SYNE1: variants seen among roughly 807,000 people sequenced by gnomAD.
SYNE1 encodes the protein nesprin-1.
In SYNE1, 616 loss-of-function variants were observed where a neutral mutation model predicts 1,111.0. The ratio of observed to expected loss-of-function variants is 0.55; its 90% CI spans 0.52 to 0.59. The LOEUF is 0.59. Ranked by LOEUF, SYNE1 falls within the 20% of genes least tolerant of loss-of-function variation. The pLI, the probability that SYNE1 is intolerant of heterozygous loss-of-function variation, is 0.00. For missense variants in SYNE1, 10,006 were observed against 10,417.0 expected (o/e 0.96, Z 1.72); for synonymous variants, 3,855 against 3,825.8 (o/e 1.01, Z -0.28).
chr6:152,248,869 C>G (rs529041193), intron 105 of SYNE1, among the ~76,000 whole-genome samples: 3 of 152,260 alleles, frequency 2.0e-5, no homozygotes, highest in African/African-American at 7.2e-5. Context: ...TGACTTTCTG[C>G]CCTATGTCAT....
chr6:152,199,731 G>A (rs1228614752), intron 127 of SYNE1, among the ~76,000 whole-genome samples: 4 of 152,158 alleles, frequency 2.6e-5, no homozygotes, highest in African/African-American at 7.2e-5. Context: ...GGCAATTAGC[G>A]GTGCTGTCTG....
intron 73 of SYNE1, among the ~76,000 whole-genome samples, chr6:152,345,520 C>A (rs926165281): frequency 1.3e-5 from 2 of 151,910 alleles, no homozygotes; most frequent in African/African-American, 4.8e-5. Context: ...GAACACGGAC[C>A]ATTCTAACCA....
intron 95 of SYNE1, among the ~76,000 whole-genome samples, chr6:152,288,703 G>A (rs758562200): frequency 1.3e-5 from 2 of 152,170 alleles, no homozygotes; most frequent in African/African-American, 2.4e-5. Flanking sequence ...GCACCACCAC[G>A]CCCAGCTAAT....
intron 128 of SYNE1, among the ~76,000 whole-genome samples, chr6:152,186,899 A>G (rs930648213): frequency 6.6e-6 from 1 of 152,182 alleles, no homozygotes; most frequent in Non-Finnish European, 1.5e-5. Context: ...AATTTCCCAC[A>G]ATTTGTACCC....
chr6:152,326,140 A>C, intron 79 of SYNE1, 38 bp from the exon 80 acceptor site: 1 of 1,614,084 alleles, frequency 6.2e-7, no homozygotes, highest in Non-Finnish European at 8.5e-7. Flanking sequence ...AGTAGCACGA[A>C]ATCACGTATT....
intron 84 of SYNE1, among the ~76,000 whole-genome samples, chr6:152,320,747 T>A (rs1369233875): frequency 6.6e-6 from 1 of 152,256 alleles, no homozygotes; most frequent in Non-Finnish European, 1.5e-5. Flanking sequence ...AGGGTTAAAA[T>A]GATGGCTCTT....
chr6:152,393,000 G>A (rs3898782), intron 51 of SYNE1, among the ~76,000 whole-genome samples: 10 of 152,124 alleles, frequency 6.6e-5, no homozygotes, highest in African/African-American at 2.2e-4. Context: ...GTGGCCCCGT[G>A]GAGAACCTGA....
In SYNE1 at chr6:152,331,406, G is replaced by A; in HGVS notation, c.13279C>T (p.Leu4427Phe). Residue 4427 changes from leucine to phenylalanine, a missense_variant, in exon 78 of 146, where the codon CTC (leucine) becomes TTC (phenylalanine). Physicochemically the swap from Leu to Phe is conservative, Grantham distance 22. Coordinates refer to ENST00000367255, the MANE Select transcript of SYNE1 (RefSeq NM_182961.4). Reference protein sequence around the residue: ...LNERQVIQKALSDAQSHVNCL... With the variant: ...LNERQVIQKAFSDAQSHVNCL... ...TTCACGTGGCTTTGTGCATCAGAGA[G>A]AGCCTTCTGGATGACCTGTCGCTCA... 6 of 1,614,186 alleles carry A rather than the reference G, an allele frequency of 3.7e-6. No individual in the cohort carries two copies. The highest frequency in any genetic ancestry group is 2.2e-5 in the East Asian group (1 of 44,884).
intron 51 of SYNE1, among the ~76,000 whole-genome samples, chr6:152,392,369 C>G (rs2097657628): frequency 6.6e-6 from 1 of 152,088 alleles, no homozygotes. Context: ...TTAATTAGAT[C>G]AAGGGGAAAA....
At chr6:152,319,625 G>A (rs1167599615) in intron 84 of SYNE1, among the ~76,000 whole-genome samples, 1 of 152,122 alleles carries the variant, frequency 6.6e-6, no homozygotes, top group African/African-American at 2.4e-5. Flanking sequence ...CTGTTGCTTA[G>A]AATAAAATGC....
intron 127 of SYNE1, among the ~76,000 whole-genome samples, chr6:152,194,544 C>A (rs956768871): frequency 6.6e-6 from 1 of 152,086 alleles, no homozygotes; most frequent in African/African-American, 2.4e-5. Context: ...ATATTGATAT[C>A]TTTCTCTATG....
rs754982975 is a variant in SYNE1 at position 152,373,047 on chromosome 6, G to C, written c.9497C>G (p.Ser3166Cys). Reference protein sequence around the residue: ...NFHSNLHQKESALENLKIQMK... With the variant: ...NFHSNLHQKECALENLKIQMK... ...GTTGGCTATATATACCTCTAGAGCA[G>C]ATTCTTTTTGGTGGAGATTTGAATG... Residue 3166 changes from serine to cysteine, a missense_variant, in exon 59 of 146, where the codon TCT (serine) becomes TGT (cysteine). By Grantham distance (112) the Ser-to-Cys change is moderately radical. This residue lies in a region of SYNE1 where 4,955 missense variants were observed against 5,017.2 expected (regional missense o/e 0.99). Transcript: ENST00000367255. The C allele has an allele frequency of 6.2e-7, 1 of 1,614,090 alleles. No individual in the cohort carries two copies. The highest frequency in any genetic ancestry group is 8.5e-7 in the Non-Finnish European group (1 of 1,179,996).
At chr6:152,624,975 G>A (rs2099683002) in intron 3 of SYNE1, among the ~76,000 whole-genome samples, 1 of 152,006 alleles carries the variant, frequency 6.6e-6, no homozygotes, top group Non-Finnish European at 1.5e-5. Flanking sequence ...GGTCTGAAAT[G>A]ACAATGAAAC....
chr6:152,322,122 A>G (rs1396827720), intron 82 of SYNE1, among the ~76,000 whole-genome samples: 2 of 152,224 alleles, frequency 1.3e-5, no homozygotes, highest in Non-Finnish European at 2.9e-5. Flanking sequence ...ACTAAATTGC[A>G]ATCAATTTCC....
intron 95 of SYNE1, among the ~76,000 whole-genome samples, chr6:152,292,847 T>C (rs1816229634): frequency 1.3e-5 from 2 of 152,224 alleles, no homozygotes; most frequent in South Asian, 2.1e-4. Context: ...CTCACGGTGA[T>C]GAATATGTAG....
chr6:152,397,621 C>A (rs17082605), intron 49 of SYNE1, among the ~76,000 whole-genome samples: 2 of 152,140 alleles, frequency 1.3e-5, no homozygotes, highest in East Asian at 1.9e-4. Context: ...ATCTTTCTAT[C>A]GTTAACTTCT....
At chr6:152,629,544 A>T (rs932039251) in intron 2 of SYNE1, among the ~76,000 whole-genome samples, 2 of 15,418 alleles carry the variant, frequency 1.3e-4, no homozygotes, top group Non-Finnish European at 2.1e-4. Context: ...GGGGAGGGGG[A>T]GGGGAGGAGG....
chr6:152,366,328 G>A (rs540449652), intron 62 of SYNE1, among the ~76,000 whole-genome samples: 86 of 151,764 alleles, frequency 5.7e-4, no homozygotes, highest in African/African-American at 1.9e-3. Context: ...GCAAAACTCC[G>A]TCTAAAATAA....
At chr6:152,166,621 T>C (rs909409395) in intron 130 of SYNE1, among the ~76,000 whole-genome samples, 2 of 152,210 alleles carry the variant, frequency 1.3e-5, no homozygotes, top group African/African-American at 4.8e-5. Context: ...GTGGTTAGTA[T>C]GCAATATGTC....
Sources: gnomAD v4.1 joint callset for allele counts (sites outside exome capture counted in the v4.1 genomes callset) on GRCh38, gnomAD v4.1.1 for gene constraint, gnomAD v4.1.1 regional missense constraint, MANE v1.5 for transcripts, NCBI Gene and HGNC (gene_info 2026-07-23, HGNC 2026-07-21) for gene names.